Variants in TRMT11 observed in about 807,000 individuals in gnomAD.
TRMT11 encodes tRNA methyltransferase 11.
TRMT11 carries 53 observed loss-of-function variants against 62.8 expected under a neutral mutation model. That is an observed-to-expected ratio of 0.84 (90% confidence interval 0.68 to 1.06). The LOEUF is 1.06. Among genes scored for constraint, TRMT11 ranks in the 50% least tolerant of loss-of-function variants. The pLI is 0.00. For synonymous variants in TRMT11, 188 were observed against 190.3 expected (o/e 0.99, Z 0.10); for missense variants, 556 against 553.4 (o/e 1.00, Z -0.05).
intron 1 of TRMT11, among the ~76,000 whole-genome samples, chr6:126,181,523 T>C (rs1778466830): frequency 6.6e-6 from 1 of 152,178 alleles, no homozygotes; most frequent in Non-Finnish European, 1.5e-5. Flanking sequence ...CTAATACAGA[T>C]TCCTACATAT....
intron 1 of TRMT11, among the ~76,000 whole-genome samples, chr6:126,184,043 T>C (rs1778499228): frequency 6.6e-6 from 1 of 152,218 alleles, no homozygotes; most frequent in South Asian, 2.1e-4. Flanking sequence ...TATTTATTAA[T>C]GCCCTAATAT....
intron 12 of TRMT11, among the ~76,000 whole-genome samples, chr6:126,025,688 A>C (rs1222796147): frequency 6.6e-6 from 1 of 152,208 alleles, no homozygotes; most frequent in Non-Finnish European, 1.5e-5. Context: ...AAATTGTCAA[A>C]CAGTCCTCAC....
chr6:126,167,571 A>G (rs1778283079), intron 21 of TRMT11, among the ~76,000 whole-genome samples: 1 of 152,160 alleles, frequency 6.6e-6, no homozygotes, highest in South Asian at 2.1e-4. Flanking sequence ...CTTGCCAGCC[A>G]TCTGTTATGG....
the TRMT11 span, among the ~76,000 whole-genome samples, chr6:126,254,303 C>G: frequency 1.3e-5 from 2 of 152,146 alleles, no homozygotes; most frequent in African/African-American, 4.8e-5. Flanking sequence ...AATACTGAGT[C>G]AACATTGTAC....
At chr6:126,225,685 ATT>A in the TRMT11 span, among the ~76,000 whole-genome samples, 17 of 95,300 alleles carry the variant, frequency 1.8e-4, no homozygotes, top group African/African-American at 7.8e-4. Context: ...TATGTTTACT[ATT>A]TTTTTTTTTT....
chr6:126,269,025 G>T, the TRMT11 span, among the ~76,000 whole-genome samples: 11 of 151,884 alleles, frequency 7.2e-5, no homozygotes, highest in East Asian at 2.1e-3. Flanking sequence ...ACTTTGGGAG[G>T]CCGAGGCGGG....
intron 21 of TRMT11, among the ~76,000 whole-genome samples, chr6:126,132,834 C>G (rs1219050638): frequency 6.6e-6 from 1 of 151,978 alleles, no homozygotes; most frequent in African/African-American, 2.4e-5. Flanking sequence ...TAGAAGAGCT[C>G]AGGTATGTTT....
chr6:126,099,991 G>A (rs368814092), intron 17 of TRMT11, among the ~76,000 whole-genome samples: 3 of 152,162 alleles, frequency 2.0e-5, no homozygotes, highest in South Asian at 2.1e-4. Flanking sequence ...GGTCTCAGCA[G>A]CCTGGGTGGA....
At chr6:126,056,043 C>T (rs886493477) in intron 17 of TRMT11, among the ~76,000 whole-genome samples, 1 of 152,194 alleles carries the variant, frequency 6.6e-6, no homozygotes, top group African/African-American at 2.4e-5. Context: ...TTGAAGCACC[C>T]ATGTGAAACA....
intron 21 of TRMT11, among the ~76,000 whole-genome samples, chr6:126,140,125 G>A (rs544499397): frequency 4.8e-4 from 73 of 151,806 alleles, no homozygotes; most frequent in African/African-American, 1.6e-3. Flanking sequence ...TTAAATTTTA[G>A]TCAATACCTT....
At chr6:126,024,116 C>T (rs1028228477) in intron 12 of TRMT11, among the ~76,000 whole-genome samples, 2 of 152,166 alleles carry the variant, frequency 1.3e-5, no homozygotes, top group African/African-American at 2.4e-5. Flanking sequence ...ATATATACAA[C>T]TGAATATTGT....
At chr6:125,993,879 T>C (rs1306220180) in intron 2 of TRMT11, 57 bp downstream of exon 2, 1 of 1,043,890 alleles carries the variant, frequency 9.6e-7, no homozygotes, top group Non-Finnish European at 1.5e-6. Flanking sequence ...AGCCTTGGGT[T>C]TGAAGAGAAG....
chr6:126,261,885 T>C, the TRMT11 span, among the ~76,000 whole-genome samples: 1 of 152,264 alleles, frequency 6.6e-6, no homozygotes, highest in African/African-American at 2.4e-5. Context: ...GGGATAGCTG[T>C]GAGACTGAGC....
At chr6:126,196,018 C>T (rs888463406) in intron 1 of TRMT11, among the ~76,000 whole-genome samples, 5 of 152,132 alleles carry the variant, frequency 3.3e-5, no homozygotes, top group African/African-American at 1.2e-4. Context: ...AACTTGAATC[C>T]TTGATGACAT....
At chr6:126,241,115 T>C in the TRMT11 span, among the ~76,000 whole-genome samples, 8 of 152,228 alleles carry the variant, frequency 5.3e-5, no homozygotes, top group Non-Finnish European at 1.2e-4. Flanking sequence ...GTCACCCCTT[T>C]CCTTGGCTAG....
chr6:126,047,301 A>C (rs1030977036), intron 16 of TRMT11, among the ~76,000 whole-genome samples: 1 of 151,058 alleles, frequency 6.6e-6, no homozygotes, highest in Non-Finnish European at 1.5e-5. Flanking sequence ...TATAAACCCT[A>C]AACCCCAGGC....
chr6:126,108,058 CAT>C (rs1484982111), intron 17 of TRMT11, among the ~76,000 whole-genome samples: 1 of 152,156 alleles, frequency 6.6e-6, no homozygotes, highest in East Asian at 1.9e-4. Flanking sequence ...GAAAGTAACA[CAT>C]GTTTTTGTCT....
At chr6:126,041,487 T>C (rs1053203361), downstream of TRMT11, among the ~76,000 whole-genome samples, 2 of 152,186 alleles carry the variant, frequency 1.3e-5, no homozygotes, top group Non-Finnish European at 2.9e-5. Flanking sequence ...GAAGAACTGC[T>C]GACATCTTAT....
At chr6:126,259,159 T>G in the TRMT11 span, among the ~76,000 whole-genome samples, 2 of 152,360 alleles carry the variant, frequency 1.3e-5, no homozygotes, top group South Asian at 4.1e-4. Flanking sequence ...TGATCTCATT[T>G]TTTTTATGGC....
Sources: allele counts gnomAD v4.1 joint callset (sites outside exome capture counted in the v4.1 genomes callset), GRCh38; gene constraint gnomAD v4.1.1; transcripts MANE v1.5; gene names NCBI Gene and HGNC (gene_info 2026-07-23, HGNC 2026-07-21).